The following RNF180 variants were observed in gnomAD, a reference collection of about 807,000 sequenced individuals.
RNF180 encodes the protein ring finger protein 180, also known as E3 ubiquitin-protein ligase RNF180.
Under a neutral mutation model 59.2 loss-of-function variants are expected in RNF180, and 38 were observed. The observed-to-expected ratio is 0.64, with a 90% CI of 0.50 to 0.84. RNF180 has a LOEUF of 0.84. Ranked by LOEUF, RNF180 falls within the 40% of genes least tolerant of loss-of-function variation. The pLI is 0.00. For missense variants in RNF180, 705 were observed against 700.9 expected (o/e 1.01, Z -0.07); for synonymous variants, 262 against 240.3 (o/e 1.09, Z -0.84).
intron 5 of RNF180, among the ~76,000 whole-genome samples, chr5:64,309,368 G>A (rs1482238463): frequency 2.0e-5 from 3 of 151,680 alleles, no homozygotes; most frequent in Non-Finnish European, 4.4e-5. Context: ...TTCACTCAGA[G>A]TACATAATGA....
At chr5:64,315,596 T>C (rs1468921930) in intron 5 of RNF180, among the ~76,000 whole-genome samples, 3 of 151,596 alleles carry the variant, frequency 2.0e-5, no homozygotes, top group Admixed American at 1.3e-4. Context: ...AATACAAAAT[T>C]AGCCAGGCAT....
rs141689870 is a variant in RNF180, at chr5:64,236,435, C to G, written c.1227+19039C>G. 3.0e-3 allele frequency among the ~76,000 whole-genome samples: 453 copies of G among 152,228 alleles called. 3 individuals carry two copies. The highest frequency in any genetic ancestry group is 0.01 in the African/African-American group (432 of 41,542). Reference sequence around the variant, plus strand: ...CTGAAAGTGTTCAGTTATATGCATTCACAAAGAGATGGTTTGAAATGGGAA... The same window carrying G: ...CTGAAAGTGTTCAGTTATATGCATTGACAAAGAGATGGTTTGAAATGGGAA... On this transcript the variant is annotated intron_variant, in intron 5 of 7. Coordinates refer to ENST00000389100, the MANE Select transcript of RNF180 (RefSeq NM_001113561.2).
In RNF180 at chr5:64,191,953, G is replaced by A. The variant is rs190862288; in HGVS notation, c.1-8855G>A. Among the ~76,000 whole-genome samples, 36 of 152,064 alleles carry A rather than the reference G, an allele frequency of 2.4e-4. No homozygotes were observed. In the East Asian group the frequency reaches 6.2e-3, roughly 26 times the overall value. On this transcript the variant is annotated intron_variant, in intron 1 of 7. Transcript: ENST00000389100. ...ACTGTTTAAGTGTTTAATTCATTTC[G>A]AGTTGATTTTTGCATATGGTGTAAG...
At chr5:64,221,523 T>C (rs745713235) in intron 5 of RNF180, among the ~76,000 whole-genome samples, 2 of 152,172 alleles carry the variant, frequency 1.3e-5, no homozygotes, top group Non-Finnish European at 2.9e-5. Flanking sequence ...ACTCAGTAAG[T>C]TGATAATTCT....
Position 64,325,233 on chromosome 5 carries a change from A to G in RNF180, c.1275A>G (p.Glu425=). 1 of 1,551,654 alleles carries G rather than the reference A, an allele frequency of 6.4e-7. No individual in the cohort carries two copies. ...CAGATGAAGACAATGAATATGCAGA[A>G]GAAAAGGATAGCTACATCTGTGCAG... is the stretch of plus-strand genomic sequence containing the variant. ...MSTDEDNEYA[E]EKDSYICAVC... Residue 425 remains glutamate, a synonymous_variant, in exon 6 of 8, where the codon GAA becomes GAG. Transcript: ENST00000389100.
chr5:64,341,213 C>G (rs1471015373), intron 7 of RNF180, among the ~76,000 whole-genome samples: 1 of 152,190 alleles, frequency 6.6e-6, no homozygotes, highest in Non-Finnish European at 1.5e-5. Context: ...GTGGTGGCCA[C>G]ATAGTCCTGA....
Position 64,256,228 on chromosome 5 carries a change from G to T in RNF180, c.1227+38832G>T, listed in dbSNP as rs191867691. Among the ~76,000 whole-genome samples the T allele has an allele frequency of 9.1e-3, 1,390 of 152,074 alleles. 22 individuals carry two copies. Among genetic ancestry groups the T allele is most frequent in the African/African-American group, 0.03 (1,235 of 41,472 alleles). Reference sequence around the variant, plus strand: ...AATTAGATCCCATTTGTCAATTTTGGCTTTTGTTGCCATTGCTTTTGGTGT... The same window carrying T: ...AATTAGATCCCATTTGTCAATTTTGTCTTTTGTTGCCATTGCTTTTGGTGT... On this transcript the variant is annotated intron_variant, in intron 5 of 7. Coordinates refer to ENST00000389100, the MANE Select transcript of RNF180 (RefSeq NM_001113561.2).
At chr5:64,233,407 A>C (rs973837261) in intron 5 of RNF180, among the ~76,000 whole-genome samples, 2 of 152,240 alleles carry the variant, frequency 1.3e-5, no homozygotes, top group Non-Finnish European at 1.5e-5. Context: ...CAACATAAAT[A>C]ATTTTAAGGA....
chr5:64,236,260 C>T (rs1307377485), intron 5 of RNF180, among the ~76,000 whole-genome samples: 1 of 152,198 alleles, frequency 6.6e-6, no homozygotes, highest in African/African-American at 2.4e-5. Flanking sequence ...GAGTAAAGGT[C>T]ACTTTTGCTA....
intron 7 of RNF180, among the ~76,000 whole-genome samples, chr5:64,352,432 T>C (rs1249316229): frequency 2.0e-5 from 3 of 152,140 alleles, no homozygotes; most frequent in Non-Finnish European, 4.4e-5. Context: ...AGTTATTTCT[T>C]GCTTTCTGCT....
chr5:64,330,824 TG>T (rs1744874181), intron 7 of RNF180, among the ~76,000 whole-genome samples: 3 of 152,132 alleles, frequency 2.0e-5, no homozygotes, highest in Admixed American at 2.0e-4. Context: ...CAGGAACAGG[TG>T]GGAGCCCTGC....
chr5:64,223,510 T>C (rs1225367254), intron 5 of RNF180, among the ~76,000 whole-genome samples: 1 of 151,754 alleles, frequency 6.6e-6, no homozygotes, highest in African/African-American at 2.4e-5. Flanking sequence ...ATTTTAGAGA[T>C]AATTTCTATT....
chr5:64,169,631 T>C (rs1020831083), intron 1 of RNF180, among the ~76,000 whole-genome samples: 5 of 152,224 alleles, frequency 3.3e-5, no homozygotes, highest in African/African-American at 9.6e-5. Flanking sequence ...AATCCACTTA[T>C]TTTAACCAAG....
chr5:64,260,061 A>T (rs1385943832), intron 5 of RNF180, among the ~76,000 whole-genome samples: 2 of 152,244 alleles, frequency 1.3e-5, no homozygotes, highest in Non-Finnish European at 2.9e-5. Flanking sequence ...CTTTATACAT[A>T]CACAATTTTA....
At chr5:64,200,699 A>T in intron 1 of RNF180, 109 bp from the exon 2 acceptor site, 1 of 872,372 alleles carries the variant, frequency 1.1e-6, no homozygotes, top group Non-Finnish European at 1.8e-6. Context: ...TTAATAAATG[A>T]TAGTTCCCTG....
At chr5:64,276,767 GAAA>G (rs970709234) in intron 5 of RNF180, among the ~76,000 whole-genome samples, 1 of 151,598 alleles carries the variant, frequency 6.6e-6, no homozygotes, top group African/African-American at 2.4e-5. Flanking sequence ...GTCTTATAAG[GAAA>G]AAAATCAGAA....
intron 7 of RNF180, among the ~76,000 whole-genome samples, chr5:64,361,087 A>T (rs1021163726): frequency 6.6e-6 from 1 of 151,464 alleles, no homozygotes; most frequent in African/African-American, 2.4e-5. Context: ...ATGTGCAGGC[A>T]CACATTGATC....
chr5:64,218,933 C>A (rs752006873), intron 5 of RNF180, among the ~76,000 whole-genome samples: 4 of 152,054 alleles, frequency 2.6e-5, no homozygotes, highest in African/African-American at 9.7e-5. Context: ...ACATTCTTGA[C>A]GTTTCTTGTC....
chr5:64,255,362 A>G (rs1310415028), intron 5 of RNF180, among the ~76,000 whole-genome samples: 1 of 151,764 alleles, frequency 6.6e-6, no homozygotes, highest in East Asian at 1.9e-4. Context: ...CCCCAGCCCC[A>G]CAACAGGCCC....
Sources: gnomAD v4.1 joint callset for allele counts (sites outside exome capture counted in the v4.1 genomes callset) on GRCh38, gnomAD v4.1.1 for gene constraint, MANE v1.5 for transcripts, NCBI Gene and HGNC (gene_info 2026-07-23, HGNC 2026-07-21) for gene names.